ITSN1: variants seen among roughly 807,000 people sequenced by gnomAD.
ITSN1 encodes the protein intersectin 1, also known as intersectin-1.
In ITSN1, 58 loss-of-function variants were observed where a neutral mutation model predicts 239.8. The ratio of observed to expected loss-of-function variants is 0.24; its 90% confidence interval spans 0.20 to 0.30. The LOEUF is 0.30. ITSN1 is among the 10% of genes least tolerant of loss of function. ITSN1 has a pLI of 1.00. For missense variants in ITSN1, 1,558 were observed against 2,103.3 expected (o/e 0.74, Z 5.07); for synonymous variants, 780 against 770.8 (o/e 1.01, Z -0.20).
rs1366194363 is a variant in ITSN1, at chr21:33,774,898, A to C, written c.1455+20A>C. On this transcript the variant is annotated intron_variant, in intron 13 of 39. Coordinates refer to ENST00000381318, the MANE Select transcript of ITSN1 (RefSeq NM_003024.3). Reference sequence around the variant, plus strand: ...GCTCTAGTGAGTGAAGTTTGGTTATACTTTGAAAATATACTAAGATGGAAC... The same window carrying C: ...GCTCTAGTGAGTGAAGTTTGGTTATCCTTTGAAAATATACTAAGATGGAAC... The C allele has an allele frequency of 1.2e-6, 2 of 1,606,826 alleles. No homozygotes were observed. The highest frequency in any genetic ancestry group is 1.7e-6 in the Non-Finnish European group (2 of 1,177,328).
chr21:33,699,627 G>T (rs1403425491), intron 1 of ITSN1, among the ~76,000 whole-genome samples: 1 of 152,238 alleles, frequency 6.6e-6, no homozygotes, highest in African/African-American at 2.4e-5. Context: ...ACTGAGGTAG[G>T]AGGATGGCTT....
intron 25 of ITSN1, among the ~76,000 whole-genome samples, chr21:33,824,130 C>T (rs994300435): frequency 9.9e-5 from 15 of 152,140 alleles, no homozygotes; most frequent in Non-Finnish European, 2.2e-4. Context: ...TAGAAAGACA[C>T]AAGATCTAAG....
At chr21:33,828,876 G>T in intron 26 of ITSN1, 1 of 454,184 alleles carries the variant, frequency 2.2e-6, no homozygotes, top group Non-Finnish European at 4.5e-6. Context: ...TTTTCCCATG[G>T]GACTTTTCAC....
At chr21:33,746,045 T>C (rs1305355558) in intron 5 of ITSN1, among the ~76,000 whole-genome samples, 4 of 152,224 alleles carry the variant, frequency 2.6e-5, no homozygotes, top group African/African-American at 7.2e-5. Context: ...CGTCCCATCA[T>C]TGGCTGACTA....
At chr21:33,756,906 ACAGGCATGTAC>A (rs1161268544) in intron 8 of ITSN1, 4 of 152,350 alleles carry the variant, frequency 2.6e-5, no homozygotes, top group African/African-American at 9.6e-5. Context: ...AGCTGGGATT[ACAGGCATGTAC>A]CACCACGCCC....
intron 20 of ITSN1, among the ~76,000 whole-genome samples, chr21:33,807,751 C>T (rs928951901): frequency 2.6e-5 from 4 of 152,282 alleles, no homozygotes; most frequent in South Asian, 2.1e-4. Flanking sequence ...GAGTTCCCGT[C>T]GATCAAGGGA....
At chr21:33,711,632 G>T (rs2092417124) in intron 1 of ITSN1, among the ~76,000 whole-genome samples, 2 of 133,252 alleles carry the variant, frequency 1.5e-5, no homozygotes, top group Admixed American at 7.8e-5. Flanking sequence ...TGACTTTTTG[G>T]CTATGTCTTT....
At chr21:33,720,751 AT>A (rs2065435140) in intron 2 of ITSN1, among the ~76,000 whole-genome samples, 1 of 152,092 alleles carries the variant, frequency 6.6e-6, no homozygotes, top group Non-Finnish European at 1.5e-5. Flanking sequence ...CCCCCAAAAG[AT>A]TTTCATGGAT....
At chr21:33,810,421 G>A in intron 20 of ITSN1, among the ~76,000 whole-genome samples, 1 of 151,840 alleles carries the variant, frequency 6.6e-6, no homozygotes, top group Non-Finnish European at 1.5e-5. Flanking sequence ...TGTCTGTGGA[G>A]CTTTTAAATG....
chr21:33,656,701 T>A (rs187554326), intron 1 of ITSN1, among the ~76,000 whole-genome samples: 2 of 152,050 alleles, frequency 1.3e-5, no homozygotes, highest in Non-Finnish European at 2.9e-5. Context: ...CTTGTTTTAT[T>A]TATTTATTTA....
chr21:33,882,259 C>A lies in ITSN1; in HGVS notation c.4358C>A (p.Ser1453Ter). 6.2e-7 allele frequency: 1 copy of A among 1,613,980 alleles called. No homozygotes were observed. Among genetic ancestry groups the A allele is most frequent in the Non-Finnish European group, 8.5e-7 (1 of 1,179,996 alleles). Residue 1453 changes from serine to a stop codon, truncating the protein, a stop_gained, in exon 35 of 40, where the codon TCA (serine) becomes TAA (stop). Coordinates refer to ENST00000381318, the MANE Select transcript of ITSN1 (RefSeq NM_003024.3). LOFTEE classifies it high-confidence loss of function. The surrounding 1 kb of genome is among the most constrained non-coding windows in gnomAD (Gnocchi z 4.5). ...EGLSEQLVFNSVTNCLGPRKF... is the reference protein window; with the variant it reads ...EGLSEQLVFN ...CTTTCTCAGCAACTTGTGTTCAATTCAGTGACCAATTGCTTGGGGCCGCGC... is the reference window on the plus strand; with the variant it reads ...CTTTCTCAGCAACTTGTGTTCAATTAAGTGACCAATTGCTTGGGGCCGCGC...
Position 33,858,801 on chromosome 21 carries a change from C to T in ITSN1, c.3890+9C>T. 1 of 1,561,390 alleles carries T rather than the reference C, an allele frequency of 6.4e-7. No individual in the cohort carries two copies. Among genetic ancestry groups the T allele is most frequent in the Middle Eastern group, 1.7e-4 (1 of 5,974 alleles). ...AATATCAAACTACTAAAGTAAGCCT[C>T]TCCTCTAATCCCCAGCCTGGCTTGG... is the stretch of plus-strand genomic sequence containing the variant. On this transcript the variant is annotated intron_variant, in intron 31 of 39. Transcript: ENST00000381318.
rs539637954 is a variant in ITSN1, at chr21:33,871,104, CT to C, written c.4173+3774del. ...CAAGATCACACCACAGCACTCCAGCCTGGGTGACAGAGTGGGACTCTGTCTC... is the reference window on the plus strand; with the variant it reads ...CAAGATCACACCACAGCACTCCAGCCGGGTGACAGAGTGGGACTCTGTCTC... On this transcript the variant is annotated intron_variant, in intron 33 of 39. Transcript: ENST00000381318. 1.1e-3 allele frequency among the ~76,000 whole-genome samples: 160 copies of C among 151,862 alleles called. 2 individuals are homozygous for C. The highest frequency in any genetic ancestry group is 1.5e-3 in the South Asian group (7 of 4,802).
chr21:33,705,503 T>C (rs2092217347), intron 1 of ITSN1, among the ~76,000 whole-genome samples: 1 of 151,978 alleles, frequency 6.6e-6, no homozygotes, highest in African/African-American at 2.4e-5. Context: ...TTCTCCTGCC[T>C]CAGCTTCCCG....
intron 16 of ITSN1, among the ~76,000 whole-genome samples, chr21:33,791,399 A>G (rs927109755): frequency 2.0e-5 from 3 of 152,254 alleles, no homozygotes; most frequent in South Asian, 2.1e-4. Context: ...TGAAACTGCA[A>G]CTTACATAAT....
rs144260124 is a variant in ITSN1, at chr21:33,851,064, G to A, written c.3662-5672G>A. The stretch of plus-strand genomic sequence containing the variant: ...CCCTTAAAGATGAAAGCCATCGCCC[G>A]GGCTTGCTTATTGCTCTCTCTCCTG... On this transcript the variant is annotated intron_variant, in intron 29 of 39. Transcript: ENST00000381318. Among the ~76,000 whole-genome samples, 8 of 152,288 alleles carry A rather than the reference G, an allele frequency of 5.3e-5. No homozygotes were observed. In the East Asian group the frequency reaches 5.8e-4, roughly 11 times the overall value.
At chr21:33,702,789 T>C (rs193090276) in intron 1 of ITSN1, among the ~76,000 whole-genome samples, 2 of 152,302 alleles carry the variant, frequency 1.3e-5, no homozygotes, top group African/African-American at 4.8e-5. Context: ...TTAATAAATA[T>C]TGTTTTAGCC....
In ITSN1 at chr21:33,888,311, C is replaced by T; in HGVS notation, c.*11C>T. Reference sequence around the variant, plus strand: ...TTTGATGAGCCGTAGGCAGCGGGCTCAGGGTGTGCTCAGCAGGGTCCCAGC... The same window carrying T: ...TTTGATGAGCCGTAGGCAGCGGGCTTAGGGTGTGCTCAGCAGGGTCCCAGC... On this transcript the variant is annotated 3_prime_UTR_variant, in exon 40 of 40. Transcript: ENST00000381318. 1.2e-6 allele frequency: 2 copies of T among 1,608,572 alleles called. No homozygotes were observed. The highest frequency in any genetic ancestry group is 2.2e-5 in the East Asian group (1 of 44,694).
chr21:33,816,498 T>C (rs1424655782), intron 22 of ITSN1, among the ~76,000 whole-genome samples: 2 of 152,196 alleles, frequency 1.3e-5, no homozygotes, highest in Non-Finnish European at 2.9e-5. Context: ...GATTAAACAG[T>C]TGCCAAAGCC....
Sources: allele counts gnomAD v4.1 joint callset (sites outside exome capture counted in the v4.1 genomes callset), GRCh38; gene constraint gnomAD v4.1.1; non-coding constraint Gnocchi (gnomAD v3.1); transcripts MANE v1.5; gene names NCBI Gene and HGNC (gene_info 2026-07-23, HGNC 2026-07-21).